ENPP3: variants seen among roughly 807,000 people sequenced by gnomAD.
ENPP3 encodes ectonucleotide pyrophosphatase/phosphodiesterase 3, also known as ectonucleotide pyrophosphatase/phosphodiesterase family member 3.
In ENPP3, 104 loss-of-function variants were observed where a neutral mutation model predicts 117.8. The ratio of observed to expected loss-of-function variants is 0.88; its 90% confidence interval spans 0.75 to 1.04. The LOEUF is 1.04. ENPP3 is among the 50% of genes least tolerant of loss of function. ENPP3 has a pLI of 0.00. For synonymous variants in ENPP3, 380 were observed against 349.9 expected (o/e 1.09, Z -0.96); for missense variants, 1,026 against 1,051.9 (o/e 0.98, Z 0.34).
intron 15 of ENPP3, among the ~76,000 whole-genome samples, chr6:131,716,383 T>C (rs1007776718): frequency 6.6e-6 from 1 of 152,158 alleles, no homozygotes; most frequent in African/African-American, 2.4e-5. Flanking sequence ...ATATTTTGCT[T>C]CTGAATGAAA....
At chr6:131,692,669 T>C (rs978888524) in intron 14 of ENPP3, among the ~76,000 whole-genome samples, 1 of 147,096 alleles carries the variant, frequency 6.8e-6, no homozygotes, top group African/African-American at 2.5e-5. Flanking sequence ...TTAATATATA[T>C]ATAATATATG....
At position 131,678,185 on chromosome 6, in the gene ENPP3, C is replaced by A. The variant is rs1053731996; in HGVS notation, c.1011+245C>A. ...ACTATATATTGAATCATTTGAAAAG[C>A]CCTCATTGAATATTAGATGTGGCAC... On this transcript the variant is annotated intron_variant, in intron 11 of 24. Coordinates refer to ENST00000357639, the MANE Select transcript of ENPP3 (RefSeq NM_005021.5). Among the ~76,000 whole-genome samples, 32 of 152,244 alleles carry A rather than the reference C, an allele frequency of 2.1e-4. 1 individual carries two copies. Among genetic ancestry groups the A allele is most frequent in the Admixed American group, 1.3e-4 (2 of 15,296 alleles).
chr6:131,718,000 G>C (rs191123380), intron 15 of ENPP3, among the ~76,000 whole-genome samples: 10 of 152,194 alleles, frequency 6.6e-5, no homozygotes, highest in African/African-American at 2.4e-4. Context: ...GCCCAGGTGC[G>C]TAGAAGGCTG....
At chr6:131,684,030 A>C (rs9388914) in intron 12 of ENPP3, among the ~76,000 whole-genome samples, 152,266 of 152,270 alleles carry the variant, frequency 1, 76,131 homozygotes, top group Middle Eastern at 1. Flanking sequence ...GGATTACAGG[A>C]GTGCGCCACC....
At position 131,722,268 on chromosome 6, in the gene ENPP3, G is replaced by A. The variant is rs750234453; in HGVS notation, c.1609G>A (p.Gly537Ser). The change falls in exon 18 of 25, where the codon GGT becomes AGT. Residue 537 changes from glycine (G) to serine (S), a missense_variant. Gly to Ser is a moderately conservative substitution (Grantham distance 56, BLOSUM62 0). Coordinates refer to ENST00000357639, the MANE Select transcript of ENPP3 (RefSeq NM_005021.5). ...IQPAPNNGTH[G>S]SLNHLLKVPF... is the part of the protein sequence containing the mutation. ...ACCAGCACCAAACAATGGAACCCAT[G>A]GTAGTTTAAACCATCTTCTGAAGGT... 1.2e-6 allele frequency: 2 copies of A among 1,613,846 alleles called. No homozygotes were observed. The highest frequency in any genetic ancestry group is 1.7e-6 in the Non-Finnish European group (2 of 1,179,904).
intron 14 of ENPP3, among the ~76,000 whole-genome samples, chr6:131,692,464 G>T (rs1243004967): frequency 6.6e-6 from 1 of 151,606 alleles, no homozygotes. Flanking sequence ...AGCAAATGTA[G>T]GTTATTTAAA....
At chr6:131,670,125 C>G (rs1057015369) in intron 6 of ENPP3, among the ~76,000 whole-genome samples, 3 of 152,204 alleles carry the variant, frequency 2.0e-5, no homozygotes, top group African/African-American at 7.2e-5. Context: ...TTGTGAAACA[C>G]AGATCACAGG....
intron 24 of ENPP3, among the ~76,000 whole-genome samples, chr6:131,741,544 G>A (rs1463856777): frequency 1.3e-5 from 2 of 152,140 alleles, no homozygotes; most frequent in East Asian, 3.8e-4. Flanking sequence ...CCTGAAAGAT[G>A]GATAGAATTT....
rs1347455208 is a variant in ENPP3 at position 131,722,425 on chromosome 6, A to G, written c.1746+20A>G. 6.8e-6 allele frequency: 11 copies of G among 1,606,258 alleles called. No homozygotes were observed. Among genetic ancestry groups the G allele is most frequent in the Non-Finnish European group, 8.5e-6 (10 of 1,174,868 alleles). On this transcript the variant is annotated intron_variant, in intron 18 of 24. Transcript: ENST00000357639. ...CAAAATGTAAGTAACAACTTCATGCATCCATAAGAACGTAAAGGGGCAAGC... is the reference window on the plus strand; with the variant it reads ...CAAAATGTAAGTAACAACTTCATGCGTCCATAAGAACGTAAAGGGGCAAGC...
intron 18 of ENPP3, among the ~76,000 whole-genome samples, 178 bp downstream of exon 18, chr6:131,722,583 T>C (rs1780060216): frequency 6.6e-6 from 1 of 152,178 alleles, no homozygotes; most frequent in Non-Finnish European, 1.5e-5. Flanking sequence ...ATGCATACAT[T>C]GTAAGATTAA....
At chr6:131,648,318 A>G (rs552993815) in intron 2 of ENPP3, among the ~76,000 whole-genome samples, 3 of 151,984 alleles carry the variant, frequency 2.0e-5, no homozygotes, top group South Asian at 4.2e-4. Context: ...GAAAATGAGT[A>G]TTCTAAAATA....
chr6:131,702,950 T>TGTCA (rs1779571806), intron 15 of ENPP3, among the ~76,000 whole-genome samples: 1 of 150,724 alleles, frequency 6.6e-6, no homozygotes, highest in African/African-American at 2.5e-5. Context: ...ATTGATTTCT[T>TGTCA]GTCATTTATT....
intron 24 of ENPP3, among the ~76,000 whole-genome samples, chr6:131,744,538 T>C (rs955245821): frequency 6.6e-6 from 1 of 152,106 alleles, no homozygotes; most frequent in Non-Finnish European, 1.5e-5. Flanking sequence ...AAGTAAACAG[T>C]AGAGTTATGG....
At chr6:131,654,420 C>G (rs1721222772) in intron 5 of ENPP3, among the ~76,000 whole-genome samples, 1 of 152,102 alleles carries the variant, frequency 6.6e-6, no homozygotes, top group South Asian at 2.1e-4. Flanking sequence ...GGATAACAGG[C>G]ATGAACTACT....
At chr6:131,668,523 G>A (rs892700790) in intron 6 of ENPP3, among the ~76,000 whole-genome samples, 7 of 152,064 alleles carry the variant, frequency 4.6e-5, no homozygotes, top group Non-Finnish European at 8.8e-5. Context: ...CTACATTGCA[G>A]TTTTGATCTG....
chr6:131,740,410 C>T (rs200185318), intron 24 of ENPP3, 30 bp downstream of exon 24: 21 of 1,478,082 alleles, frequency 1.4e-5, no homozygotes, highest in Middle Eastern at 1.8e-4. Context: ...GTCCAGGACC[C>T]GAGAAAATGA....
At position 131,746,813 on chromosome 6, in the gene ENPP3, GAAGA is replaced by G; in HGVS notation, c.2490_2493del (p.Glu830AspfsTer12). 1 of 1,609,338 alleles carries G rather than the reference GAAGA, an allele frequency of 6.2e-7. No individual in the cohort carries two copies. The highest frequency in any genetic ancestry group is 8.5e-7 in the Non-Finnish European group (1 of 1,178,506). ...AGGTAAACCAGAAGCTCTTTGGGTTGAAGAAAGATTTACAGCTCACATTGCCCGG... is the reference window on the plus strand; with the variant it reads ...AGGTAAACCAGAAGCTCTTTGGGTTGAAGATTTACAGCTCACATTGCCCGG... On this transcript the variant is annotated frameshift_variant, in exon 25 of 25. Transcript: ENST00000357639. LOFTEE classifies it high-confidence loss of function.
At chr6:131,690,399 C>T (rs555390461) in intron 14 of ENPP3, among the ~76,000 whole-genome samples, 5 of 152,110 alleles carry the variant, frequency 3.3e-5, no homozygotes, top group South Asian at 2.1e-4. Context: ...AGGCCCTCTA[C>T]GATCAAAAAA....
chr6:131,706,671 G>A (rs1016865259), intron 15 of ENPP3, among the ~76,000 whole-genome samples: 1 of 148,534 alleles, frequency 6.7e-6, no homozygotes, highest in African/African-American at 2.6e-5. Context: ...TGTGTTAAAT[G>A]TTTATTATGC....
Sources: allele counts gnomAD v4.1 joint callset (sites outside exome capture counted in the v4.1 genomes callset), GRCh38; gene constraint gnomAD v4.1.1; transcripts MANE v1.5; gene names NCBI Gene and HGNC (gene_info 2026-07-23, HGNC 2026-07-21).